IRAK1BP1: variants seen among roughly 807,000 people sequenced by gnomAD.
IRAK1BP1 encodes interleukin-1 receptor-associated kinase 1-binding protein 1.
A neutral mutation model predicts 28.0 loss-of-function variants in IRAK1BP1; 24 were observed. The ratio of observed to expected loss-of-function variants is 0.86; its 90% CI spans 0.62 to 1.20. IRAK1BP1 has a LOEUF of 1.20. Among genes scored for constraint, IRAK1BP1 ranks in the 50% most tolerant of loss-of-function variants. The pLI is 0.00. For synonymous variants in IRAK1BP1, 131 were observed against 116.3 expected (o/e 1.13, Z -0.81); for missense variants, 336 against 316.7 (o/e 1.06, Z -0.46).
chr6:78,959,211 C>T, the IRAK1BP1 span, among the ~76,000 whole-genome samples: 14 of 152,010 alleles, frequency 9.2e-5, no homozygotes, highest in Admixed American at 9.2e-4. Flanking sequence ...AATAAAAATC[C>T]AAGGACAACT....
chr6:78,918,935 T>C (rs968502267), intron 4 of IRAK1BP1, among the ~76,000 whole-genome samples: 2 of 152,162 alleles, frequency 1.3e-5, no homozygotes, highest in African/African-American at 4.8e-5. Context: ...TACTCCAAGA[T>C]TGACCACATG....
At chr6:78,955,344 G>T in the IRAK1BP1 span, 5 of 1,155,808 alleles carry the variant, frequency 4.3e-6, no homozygotes, top group South Asian at 5.2e-5. Context: ...CTTTATAGTT[G>T]ATTAACTAGC....
At chr6:78,909,428 C>T (rs1455345154) in intron 4 of IRAK1BP1, among the ~76,000 whole-genome samples, 1 of 152,212 alleles carries the variant, frequency 6.6e-6, no homozygotes. Context: ...TTTAACCTAG[C>T]TTCTCTCAGC....
intron 1 of IRAK1BP1, among the ~76,000 whole-genome samples, chr6:78,884,406 G>C (rs1445292587): frequency 6.6e-6 from 1 of 152,014 alleles, no homozygotes; most frequent in African/African-American, 2.4e-5. Context: ...TTTAATCACT[G>C]AATTTAAAAA....
intron 4 of IRAK1BP1, chr6:78,945,288 G>A (rs1019804960): frequency 6.4e-7 from 1 of 1,568,996 alleles, no homozygotes; most frequent in Non-Finnish European, 8.8e-7. Context: ...AAAGATACAA[G>A]TAATACCTTA....
chr6:78,911,986 T>C (rs575817387), intron 4 of IRAK1BP1, among the ~76,000 whole-genome samples: 1 of 152,266 alleles, frequency 6.6e-6, no homozygotes, highest in Admixed American at 6.5e-5. Context: ...TTGTTTTGTT[T>C]TGTTTTTTGA....
intron 4 of IRAK1BP1, among the ~76,000 whole-genome samples, chr6:78,942,915 G>A (rs1773576380): frequency 6.6e-6 from 1 of 152,108 alleles, no homozygotes; most frequent in Admixed American, 6.6e-5. Context: ...AATGAATGCA[G>A]CTTTCTTAAA....
chr6:78,882,618 T>C (rs746571558), intron 1 of IRAK1BP1, among the ~76,000 whole-genome samples: 12 of 152,152 alleles, frequency 7.9e-5, no homozygotes, highest in Non-Finnish European at 1.5e-4. Context: ...AGGGACATTC[T>C]GCAAAATACA....
intron 1 of IRAK1BP1, among the ~76,000 whole-genome samples, chr6:78,872,716 A>G (rs1770834056): frequency 1.3e-5 from 2 of 152,170 alleles, no homozygotes; most frequent in Admixed American, 1.3e-4. Flanking sequence ...TTCCTGGATT[A>G]TGTATATTTG....
At chr6:78,935,144 C>A (rs1180665790) in intron 4 of IRAK1BP1, among the ~76,000 whole-genome samples, 1 of 152,012 alleles carries the variant, frequency 6.6e-6, no homozygotes, top group Non-Finnish European at 1.5e-5. Flanking sequence ...TTGGCTGGTT[C>A]TTCTAAGTAT....
chr6:78,947,518 C>G, downstream of IRAK1BP1: 1 of 586,208 alleles, frequency 1.7e-6, no homozygotes, highest in Non-Finnish European at 3.0e-6. Context: ...AAGAATGTAA[C>G]AGAAAGTTAA....
chr6:78,974,674 A>G, the IRAK1BP1 span, among the ~76,000 whole-genome samples: 1 of 152,238 alleles, frequency 6.6e-6, no homozygotes, highest in Non-Finnish European at 1.5e-5. Flanking sequence ...GATGCAATAA[A>G]AAATGATAAA....
At chr6:78,885,325 A>G in intron 1 of IRAK1BP1, 53 bp from the exon 2 acceptor site, 1 of 960,952 alleles carries the variant, frequency 1.0e-6, no homozygotes, top group Non-Finnish European at 1.6e-6. Flanking sequence ...TATGTTTTAG[A>G]GTAATTGCAT....
At chr6:78,894,416 A>G (rs958974714) in intron 2 of IRAK1BP1, among the ~76,000 whole-genome samples, 2 of 152,218 alleles carry the variant, frequency 1.3e-5, no homozygotes, top group African/African-American at 2.4e-5. Flanking sequence ...GTAAATGAAA[A>G]GAAAGCTGGA....
At chr6:78,962,555 TGA>T in the IRAK1BP1 span, among the ~76,000 whole-genome samples, 1 of 152,146 alleles carries the variant, frequency 6.6e-6, no homozygotes, top group African/African-American at 2.4e-5. Context: ...GATTCTTTAT[TGA>T]GAGAGTGGGT....
intron 4 of IRAK1BP1, among the ~76,000 whole-genome samples, chr6:78,932,001 C>A (rs1372052639): frequency 2.6e-5 from 4 of 152,214 alleles, no homozygotes; most frequent in Non-Finnish European, 4.4e-5. Context: ...TATTTAAATT[C>A]TTTGTTGTCA....
intron 1 of IRAK1BP1, among the ~76,000 whole-genome samples, chr6:78,883,946 C>A (rs1771322216): frequency 6.6e-6 from 1 of 152,080 alleles, no homozygotes; most frequent in South Asian, 2.1e-4. Flanking sequence ...AGGTTGGATA[C>A]TATCTATGGT....
intron 2 of IRAK1BP1, among the ~76,000 whole-genome samples, chr6:78,895,863 A>G (rs142422989): frequency 4.1e-4 from 63 of 152,328 alleles, no homozygotes; most frequent in African/African-American, 1.5e-3. Flanking sequence ...TTCTTTCACC[A>G]TTGTACTTGA....
At position 78,902,714 on chromosome 6, in the gene IRAK1BP1, T is replaced by TGAGCC; in HGVS notation, c.*4384_*4388dup. On this transcript the variant is annotated 3_prime_UTR_variant, in exon 4 of 4. Transcript: ENST00000369940. ...CGAACCTGGGAGGCAGAGCTTACAG[T>TGAGCC]GAGCCGAGATCGCACCACTGCACTT... 1 of 295,736 alleles carries TGAGCC rather than the reference T, an allele frequency of 3.4e-6. No homozygotes were observed. Among genetic ancestry groups the TGAGCC allele is most frequent in the East Asian group, 5.9e-5 (1 of 17,018 alleles). 18.3% of individuals were successfully genotyped at this position (295,736 alleles called of 1,614,324 possible).
Sources: allele counts gnomAD v4.1 joint callset (sites outside exome capture counted in the v4.1 genomes callset), GRCh38; gene constraint gnomAD v4.1.1; transcripts MANE v1.5; gene names NCBI Gene and HGNC (gene_info 2026-07-23, HGNC 2026-07-21).